Variants in VAT1L observed in about 807,000 individuals in gnomAD.
VAT1L encodes vesicle amine transport 1 like, also known as putative NADPH-dependent quinone oxidoreductase VAT1L.
A neutral mutation model predicts 44.1 loss-of-function variants in VAT1L; 34 were observed. That is an observed-to-expected ratio of 0.77 (90% CI 0.59 to 1.03). The LOEUF (loss-of-function observed/expected upper bound fraction) is 1.03, where lower values mean the gene tolerates loss of function less well. VAT1L is among the 50% of genes least tolerant of loss of function. The pLI is 0.00. For missense variants in VAT1L, 615 were observed against 538.8 expected, an observed-to-expected ratio of 1.14 and a Z score of -1.40; for synonymous variants, 253 against 202.2, an observed-to-expected ratio of 1.25 and a Z score of -2.13.
At position 77,907,588 on chromosome 16, in the gene VAT1L, C is replaced by G. The variant is rs139380563; in HGVS notation, c.1077+22786C>G. ...CAGCTCAAGTCCCTCCTATGTACCC[C>G]CAGCACTCTATTACTTCCAACACAA... On this transcript the variant is annotated intron_variant, in intron 7 of 8. Coordinates refer to ENST00000302536, the MANE Select transcript of VAT1L (RefSeq NM_020927.3). 3.2e-3 allele frequency among the ~76,000 whole-genome samples: 491 copies of G among 151,744 alleles called. 1 individual carries two copies. The highest frequency in any genetic ancestry group is 4.6e-3 in the Non-Finnish European group (312 of 67,952).
chr16:77,977,437 G>T (rs1196647423), intron 8 of VAT1L, among the ~76,000 whole-genome samples, 160 bp from the exon 9 acceptor site: 1 of 152,168 alleles, frequency 6.6e-6, no homozygotes, highest in Non-Finnish European at 1.5e-5. Flanking sequence ...GTCTCTCAGG[G>T]TGCCCAACAT....
intron 1 of VAT1L, among the ~76,000 whole-genome samples, chr16:77,811,445 G>C (rs1286451756): frequency 6.6e-6 from 1 of 152,118 alleles, no homozygotes; most frequent in East Asian, 1.9e-4. Flanking sequence ...GATAAGCTTT[G>C]GGGACAAGAA....
At chr16:77,963,755 G>A (rs142281359) in intron 7 of VAT1L, among the ~76,000 whole-genome samples, 1 of 152,094 alleles carries the variant, frequency 6.6e-6, no homozygotes, top group East Asian at 1.9e-4. Context: ...GTCCTCACAG[G>A]AAAGGCATAT....
intron 2 of VAT1L, among the ~76,000 whole-genome samples, chr16:77,821,714 A>G (rs924536503): frequency 1.3e-5 from 2 of 152,032 alleles, no homozygotes; most frequent in Admixed American, 6.6e-5. Context: ...AGGAGTTGTC[A>G]TAAGAATTAA....
intron 7 of VAT1L, among the ~76,000 whole-genome samples, chr16:77,901,177 T>G (rs1255635340): frequency 3.9e-5 from 3 of 76,568 alleles, no homozygotes; most frequent in Non-Finnish European, 5.9e-5. Context: ...TTTTTTTTTT[T>G]TTTTTTAAGA....
intron 7 of VAT1L, among the ~76,000 whole-genome samples, chr16:77,966,559 A>G (rs2018224801): frequency 6.6e-6 from 1 of 152,218 alleles, no homozygotes; most frequent in Non-Finnish European, 1.5e-5. Flanking sequence ...CAGAAAAGGC[A>G]ACAGTTACCA....
Position 77,825,440 on chromosome 16 carries a change from G to A in VAT1L, c.558G>A (p.Val186=), listed in dbSNP as rs771690829. ...TCCGGGAAGGGATGTCTGTGCTCGT[G>A]CACTCAGCTGGTGGGGGCGTGGTAA... ...ANLREGMSVL[V]HSAGGGVGQA... Residue 186 remains valine, a synonymous_variant, in exon 3 of 9, where the codon GTG becomes GTA. Transcript: ENST00000302536. 1.3e-6 allele frequency: 2 copies of A among 1,596,682 alleles called. No homozygotes were observed. Among genetic ancestry groups the A allele is most frequent in the Admixed American group, 3.5e-5 (2 of 57,200 alleles).
At chr16:77,920,380 G>T (rs1419539144) in intron 7 of VAT1L, among the ~76,000 whole-genome samples, 1 of 152,114 alleles carries the variant, frequency 6.6e-6, no homozygotes, top group African/African-American at 2.4e-5. Flanking sequence ...TGCAGGAGAA[G>T]GAAGCAGATG....
chr16:77,950,409 AACACACACACACACACACACACACAC>A (rs61168492), intron 7 of VAT1L, among the ~76,000 whole-genome samples: 3 of 131,432 alleles, frequency 2.3e-5, no homozygotes, highest in African/African-American at 5.9e-5. Flanking sequence ...ATTCCATCTA[AACACACACACACACACACACACACAC>A]ACACACACAC....
At chr16:77,908,539 C>G (rs767418435) in intron 7 of VAT1L, among the ~76,000 whole-genome samples, 73 of 145,502 alleles carry the variant, frequency 5.0e-4, no homozygotes, top group Non-Finnish European at 7.4e-4. Context: ...TGTTGGAGTT[C>G]AGAAAAAGCC....
chr16:77,850,997 G>A (rs964059218), intron 3 of VAT1L, among the ~76,000 whole-genome samples: 11 of 152,206 alleles, frequency 7.2e-5, no homozygotes, highest in African/African-American at 2.7e-4. Context: ...GAGTATTGCT[G>A]ATGACAGACA....
chr16:77,807,126 C>T (rs145012294), intron 1 of VAT1L, among the ~76,000 whole-genome samples: 14 of 152,328 alleles, frequency 9.2e-5, no homozygotes, highest in African/African-American at 2.6e-4. Context: ...AAAGGAGCCT[C>T]ATAAAAATTC....
intron 7 of VAT1L, among the ~76,000 whole-genome samples, chr16:77,912,216 A>G (rs1485958945): frequency 6.6e-6 from 1 of 152,212 alleles, no homozygotes; most frequent in Non-Finnish European, 1.5e-5. Flanking sequence ...AGTTGTTTTC[A>G]ACATCAGTTG....
At chr16:77,885,829 C>G (rs767485519) in intron 7 of VAT1L, among the ~76,000 whole-genome samples, 15 of 152,068 alleles carry the variant, frequency 9.9e-5, no homozygotes, top group Non-Finnish European at 2.1e-4. Flanking sequence ...AATGGCTTCT[C>G]TAAGCACAGA....
At chr16:77,894,013 A>G (rs1020390356) in intron 7 of VAT1L, among the ~76,000 whole-genome samples, 1 of 152,226 alleles carries the variant, frequency 6.6e-6, no homozygotes, top group Non-Finnish European at 1.5e-5. Context: ...TGAGGGAATG[A>G]AGGCATACAG....
intron 6 of VAT1L, among the ~76,000 whole-genome samples, chr16:77,881,533 T>C (rs1246954738): frequency 6.6e-6 from 1 of 152,248 alleles, no homozygotes; most frequent in Non-Finnish European, 1.5e-5. Context: ...GTAAGGAGTT[T>C]GGAATTCATT....
intron 2 of VAT1L, among the ~76,000 whole-genome samples, chr16:77,821,980 G>C (rs1221564946): frequency 6.6e-6 from 1 of 152,168 alleles, no homozygotes; most frequent in African/African-American, 2.4e-5. Context: ...GCACTTTCTC[G>C]TGTTTCCTGC....
At chr16:77,836,783 G>A (rs114348105) in intron 3 of VAT1L, among the ~76,000 whole-genome samples, 1,652 of 152,188 alleles carry the variant, frequency 0.011, 26 homozygotes, top group African/African-American at 0.037. Context: ...CTCCTTGACC[G>A]TAAATCATGA....
chr16:77,894,448 T>C (rs2017300195), intron 7 of VAT1L, among the ~76,000 whole-genome samples: 1 of 152,010 alleles, frequency 6.6e-6, no homozygotes, highest in Non-Finnish European at 1.5e-5. Context: ...AGCACAAGCC[T>C]CCCACCTGGC....
Sources: allele counts gnomAD v4.1 joint callset (sites outside exome capture counted in the v4.1 genomes callset), GRCh38; gene constraint gnomAD v4.1.1; transcripts MANE v1.5; gene names NCBI Gene and HGNC (gene_info 2026-07-23, HGNC 2026-07-21).